RXRA: variants seen among roughly 807,000 people sequenced by gnomAD.
RXRA encodes retinoic acid receptor RXR-alpha.
Under a neutral mutation model 44.5 loss-of-function variants are expected in RXRA, and 5 were observed. The observed-to-expected ratio is 0.11, with a 90% CI of 0.06 to 0.24. RXRA has a LOEUF of 0.24. RXRA is among the 10% of genes least tolerant of loss of function. The probability of loss-of-function intolerance (pLI) is 1.00; values close to 1 mark genes in which losing one functional copy is unlikely to be tolerated. For synonymous variants in RXRA, 291 were observed against 271.4 expected, an observed-to-expected ratio of 1.07 and a Z score of -0.71; for missense variants, 412 against 646.5, an observed-to-expected ratio of 0.64 and a Z score of 3.93.
chr9:134,402,193 A>T (rs1830974985), intron 2 of RXRA: 4 of 415,708 alleles, frequency 9.6e-6, no homozygotes, highest in African/African-American at 4.1e-5. Flanking sequence ...GACTCAGCAG[A>T]GAGAGGCTGT....
At chr9:134,341,549 A>G (rs1830086286) in intron 1 of RXRA, among the ~76,000 whole-genome samples, 1 of 152,106 alleles carries the variant, frequency 6.6e-6, no homozygotes, top group African/African-American at 2.4e-5. Context: ...TGGGTGAGAT[A>G]GGCCCCCGCC....
intron 2 of RXRA, chr9:134,405,622 T>TAGAAAGAGGGAGGC (rs1831037753): frequency 6.6e-6 from 1 of 152,350 alleles, no homozygotes; most frequent in Non-Finnish European, 1.5e-5. Context: ...GGTGGATCCC[T>TAGAAAGAGGGAGGC]ACCCACCCGA....
At chr9:134,421,576 C>T in intron 5 of RXRA, 100 bp from the exon 6 acceptor site, 1 of 1,366,552 alleles carries the variant, frequency 7.3e-7, no homozygotes, top group Non-Finnish European at 9.9e-7. Context: ...ATTCAGCGTC[C>T]TGCATGGGCC....
rs1428709185 is a variant in RXRA at position 134,342,271 on chromosome 9, C to T, written c.28+15612C>T. On this transcript the variant is annotated intron_variant, in intron 1 of 9. Transcript: ENST00000481739. This position sits in a 1 kb window ranked among gnomAD's most constrained non-coding sequence, Gnocchi z 4.4. ...GGTCGAGGACTAGCAAGCCACAGTG[C>T]ACCAGGTGCCCCGGTACCAGCTTGT... 6.6e-6 allele frequency among the ~76,000 whole-genome samples: 1 copy of T among 152,120 alleles called. No homozygotes were observed. The highest frequency in any genetic ancestry group is 6.5e-5 in the Admixed American group (1 of 15,278).
intron 1 of RXRA, among the ~76,000 whole-genome samples, chr9:134,374,496 C>T (rs541409563): frequency 2.0e-4 from 30 of 152,336 alleles, no homozygotes; most frequent in African/African-American, 6.5e-4. Context: ...TGGCTCTCGG[C>T]CCAGGGCCAC....
At chr9:134,378,499 C>G (rs1047413221) in intron 1 of RXRA, among the ~76,000 whole-genome samples, 1 of 152,310 alleles carries the variant, frequency 6.6e-6, no homozygotes, top group Admixed American at 6.5e-5. Flanking sequence ...AATGTGGATG[C>G]TTGTTGGTTT....
At chr9:134,385,350 T>G (rs1588278718) in intron 1 of RXRA, among the ~76,000 whole-genome samples, 1 of 152,298 alleles carries the variant, frequency 6.6e-6, no homozygotes, top group East Asian at 1.9e-4. Context: ...CTGGGAGCCA[T>G]GAAGGCCCCT....
intron 2 of RXRA, chr9:134,403,104 C>T (rs900169456): frequency 3.9e-5 from 6 of 152,454 alleles, no homozygotes; most frequent in African/African-American, 1.2e-4. Flanking sequence ...ATGCCATCTC[C>T]CGGGTAGTCC....
In RXRA at chr9:134,395,354, G is replaced by T. The variant is rs558531025; in HGVS notation, c.29-6278G>T. Among the ~76,000 whole-genome samples, 29 of 152,120 alleles carry T rather than the reference G, an allele frequency of 1.9e-4. No homozygotes were observed. In the East Asian group the frequency reaches 3.1e-3, roughly 16 times the overall value. On this transcript the variant is annotated intron_variant, in intron 1 of 9. Coordinates refer to ENST00000481739, the MANE Select transcript of RXRA (RefSeq NM_002957.6). ...CCCTCCTGGCCCACTGGCCGGCCATGGGGGGCTGATCATGGAAGGGCCCGT... is the reference window on the plus strand; with the variant it reads ...CCCTCCTGGCCCACTGGCCGGCCATTGGGGGCTGATCATGGAAGGGCCCGT...
intron 1 of RXRA, among the ~76,000 whole-genome samples, chr9:134,368,404 G>A (rs62576335): frequency 2.0e-3 from 302 of 152,368 alleles, no homozygotes; most frequent in African/African-American, 5.7e-3. Flanking sequence ...GGGGGCCACC[G>A]GGTCCTTCCC....
At chr9:134,404,291 C>G (rs1250150402) in intron 2 of RXRA, 1 of 152,596 alleles carries the variant, frequency 6.6e-6, no homozygotes, top group Non-Finnish European at 1.5e-5. Flanking sequence ...ACTCGCCCCT[C>G]CTGGTGGGGG....
intron 1 of RXRA, among the ~76,000 whole-genome samples, chr9:134,367,059 G>C (rs753237264): frequency 6.6e-6 from 1 of 152,176 alleles, no homozygotes; most frequent in Non-Finnish European, 1.5e-5. Context: ...TCCCGTAACA[G>C]TCATCTTTTT....
In RXRA at chr9:134,407,780, C is replaced by T. The variant is rs911117879; in HGVS notation, c.280-369C>T. Among the ~76,000 whole-genome samples the T allele has an allele frequency of 3.9e-5, 6 of 152,178 alleles. No homozygotes were observed. Among genetic ancestry groups the T allele is most frequent in the East Asian group, 1.9e-4 (1 of 5,152 alleles). Reference sequence around the variant, plus strand: ...TCATGGAGTGTCCGGGGGCACCCAGCGGGGCTGGGCACTGCCAGGGGCTCA... The same window carrying T: ...TCATGGAGTGTCCGGGGGCACCCAGTGGGGCTGGGCACTGCCAGGGGCTCA... On this transcript the variant is annotated intron_variant, in intron 2 of 9. Transcript: ENST00000481739. This position sits in a 1 kb window ranked among gnomAD's most constrained non-coding sequence, Gnocchi z 4.8.
intron 6 of RXRA, chr9:134,425,222 G>A (rs1831412698): frequency 5.1e-6 from 5 of 985,370 alleles, no homozygotes; most frequent in South Asian, 4.7e-5. Flanking sequence ...GATGTCACAC[G>A]TGTCTGCTCC....
chr9:134,431,831 T>G, intron 7 of RXRA, 74 bp from the exon 8 acceptor site: 1 of 1,191,578 alleles, frequency 8.4e-7, no homozygotes, highest in Non-Finnish European at 1.2e-6. Context: ...CCAGAGGCCT[T>G]GGGTATCTGG....
intron 4 of RXRA, among the ~76,000 whole-genome samples, chr9:134,416,360 C>A (rs543207536): frequency 2.0e-5 from 3 of 152,192 alleles, no homozygotes; most frequent in African/African-American, 7.2e-5. Flanking sequence ...CTGACCGGAG[C>A]CCATGCCTGG....
At chr9:134,367,235 T>G (rs1186160755) in intron 1 of RXRA, among the ~76,000 whole-genome samples, 1 of 152,128 alleles carries the variant, frequency 6.6e-6, no homozygotes, top group Non-Finnish European at 1.5e-5. Flanking sequence ...CCTGCCTGCC[T>G]TCTTTGTGGA....
At chr9:134,367,841 C>G (rs751013012) in intron 1 of RXRA, among the ~76,000 whole-genome samples, 1 of 152,162 alleles carries the variant, frequency 6.6e-6, no homozygotes, top group Non-Finnish European at 1.5e-5. Context: ...CTCTGGCAGC[C>G]GAAACTGGTT....
At chr9:134,435,400 C>T (rs1480477160) in intron 9 of RXRA, among the ~76,000 whole-genome samples, 2 of 150,850 alleles carry the variant, frequency 1.3e-5, no homozygotes, top group African/African-American at 4.9e-5. Context: ...CTCCCGCCCC[C>T]CCACTGGTCC....
Sources: gnomAD v4.1 joint callset for allele counts (sites outside exome capture counted in the v4.1 genomes callset) on GRCh38, gnomAD v4.1.1 for gene constraint, Gnocchi (gnomAD v3.1) non-coding constraint, MANE v1.5 for transcripts, NCBI Gene and HGNC (gene_info 2026-07-23, HGNC 2026-07-21) for gene names.